The following TLK2 variants were observed in gnomAD, a reference collection of about 807,000 sequenced individuals.
TLK2 encodes the protein serine/threonine-protein kinase tousled-like 2.
In TLK2, 6 loss-of-function variants were observed where a neutral mutation model predicts 117.3. That is an observed-to-expected ratio of 0.05 (90% CI 0.03 to 0.10). TLK2 has a LOEUF of 0.10. Among genes scored for constraint, TLK2 ranks in the 10% least tolerant of loss-of-function variants. The probability of loss-of-function intolerance (pLI) is 1.00; values close to 1 mark genes in which losing one functional copy is unlikely to be tolerated. For missense variants in TLK2, 299 were observed against 901.2 expected, an observed-to-expected ratio of 0.33 and a Z score of 8.56; for synonymous variants, 257 against 316.7, an observed-to-expected ratio of 0.81 and a Z score of 2.00.
At chr17:62,482,851 C>T (rs1286819497) in intron 2 of TLK2, among the ~76,000 whole-genome samples, 1 of 152,232 alleles carries the variant, frequency 6.6e-6, no homozygotes, top group Non-Finnish European at 1.5e-5. Flanking sequence ...AGTACCTCCA[C>T]ATCTGCAGTA....
At chr17:62,533,164 G>A (rs555220913) in intron 6 of TLK2, among the ~76,000 whole-genome samples, 11 of 151,268 alleles carry the variant, frequency 7.3e-5, no homozygotes, top group African/African-American at 1.9e-4. Context: ...TATTTATTAA[G>A]ATTTAATAAA....
chr17:62,536,157 T>C lies in TLK2; in HGVS notation c.364-13T>C. Reference sequence around the variant, plus strand: ...TTCTCATGTCATTTGTGTGTTTCTTTACTGTTTTCCAGCGACGAGTAGAAC... The same window carrying C: ...TTCTCATGTCATTTGTGTGTTTCTTCACTGTTTTCCAGCGACGAGTAGAAC... On this transcript the variant is annotated splice_polypyrimidine_tract_variant and intron_variant, in intron 6 of 21. Transcript: ENST00000346027. 1 of 1,609,094 alleles carries C rather than the reference T, an allele frequency of 6.2e-7. No individual in the cohort carries two copies. Among genetic ancestry groups the C allele is most frequent in the South Asian group, 1.1e-5 (1 of 90,696 alleles).
intron 2 of TLK2, among the ~76,000 whole-genome samples, chr17:62,500,109 G>T (rs905769267): frequency 1.3e-5 from 2 of 151,570 alleles, no homozygotes; most frequent in Admixed American, 1.3e-4. Context: ...TCCCTATGTT[G>T]CCCAAGCTGG....
intron 13 of TLK2, among the ~76,000 whole-genome samples, chr17:62,577,486 C>T (rs1458151707): frequency 6.6e-6 from 1 of 152,076 alleles, no homozygotes; most frequent in Non-Finnish European, 1.5e-5. Flanking sequence ...CCTAAACTAG[C>T]TAAAAAGAGA....
At chr17:62,572,131 C>T (rs1402918474) in intron 11 of TLK2, among the ~76,000 whole-genome samples, 4 of 149,294 alleles carry the variant, frequency 2.7e-5, no homozygotes, top group South Asian at 2.1e-4. Context: ...GAGCTGAGAT[C>T]GTGCCACTGC....
At chr17:62,568,924 T>C (rs1242606242) in intron 11 of TLK2, among the ~76,000 whole-genome samples, 6 of 152,226 alleles carry the variant, frequency 3.9e-5, no homozygotes, top group Non-Finnish European at 1.5e-5. Flanking sequence ...GTTGATTTTA[T>C]AAACATTAGA....
intron 2 of TLK2, among the ~76,000 whole-genome samples, chr17:62,487,518 C>CA (rs545506997): frequency 0.017 from 923 of 55,912 alleles, 32 homozygotes; most frequent in African/African-American, 0.044. Context: ...GCCTCCGTCT[C>CA]AAAAAAAAAA....
chr17:62,586,293 C>A, intron 16 of TLK2, 67 bp downstream of exon 16: 3 of 1,146,376 alleles, frequency 2.6e-6, no homozygotes, highest in Non-Finnish European at 3.9e-6. Context: ...CATTATGCTA[C>A]AAGCTTTACG....
At chr17:62,549,419 A>AAAAAAAGT (rs2078236852) in intron 7 of TLK2, among the ~76,000 whole-genome samples, 99 of 7,746 alleles carry the variant, frequency 0.013, 8 homozygotes, top group African/African-American at 0.019. Context: ...AAAAAAAAAA[A>AAAAAAAGT]AAAAAAAAAA....
upstream of TLK2, among the ~76,000 whole-genome samples, chr17:62,478,811 T>G (rs1449228045): frequency 1.4e-5 from 2 of 143,064 alleles, no homozygotes; most frequent in Non-Finnish European, 3.1e-5. Flanking sequence ...TTCACTAGTG[T>G]GTTTACACCG....
At chr17:62,494,985 G>T (rs537689004) in intron 2 of TLK2, among the ~76,000 whole-genome samples, 1 of 152,064 alleles carries the variant, frequency 6.6e-6, no homozygotes, top group East Asian at 1.9e-4. Flanking sequence ...GGCCAACATG[G>T]TGAAACCCCG....
intron 4 of TLK2, 39 bp downstream of exon 4, chr17:62,522,312 A>C: frequency 6.3e-7 from 1 of 1,585,090 alleles, no homozygotes; most frequent in Non-Finnish European, 8.6e-7. Context: ...ACTCAATTCT[A>C]ATGTACTTAG....
Position 62,520,799 on chromosome 17 carries a change from C to T in TLK2, c.108C>T (p.Asn36=). ...GACCACTTAATAGTGAGTCTTCCAA[C>T]CAGAGCTTGTGCAGCGTCGGATCCT... ...SKGPLNSESS[N]QSLCSVGSLS... The change falls in exon 3 of 22, where the codon AAC becomes AAT. Residue 36 remains asparagine, a synonymous_variant. Transcript: ENST00000346027. 1.9e-6 allele frequency: 3 copies of T among 1,612,484 alleles called. No homozygotes were observed. The South Asian group carries it at 3.3e-5, about 18-fold the overall frequency.
At chr17:62,589,863 G>A (rs2081941632) in intron 16 of TLK2, among the ~76,000 whole-genome samples, 1 of 151,728 alleles carries the variant, frequency 6.6e-6, no homozygotes, top group Admixed American at 6.6e-5. Context: ...CTGGAGTGCA[G>A]TGGCGCGATC....
At chr17:62,553,425 T>C (rs907316707) in intron 8 of TLK2, 4 of 460,462 alleles carry the variant, frequency 8.7e-6, no homozygotes, top group African/African-American at 6.0e-5. Context: ...ATTCATACAT[T>C]TGATTCCAGA....
intron 6 of TLK2, among the ~76,000 whole-genome samples, chr17:62,529,574 A>G (rs2145709132): frequency 6.6e-6 from 1 of 152,350 alleles, no homozygotes; most frequent in East Asian, 1.9e-4. Flanking sequence ...GATATTTAAT[A>G]TATCCAAATC....
intron 17 of TLK2, 122 bp from the exon 18 acceptor site, chr17:62,600,529 A>T: frequency 1.3e-6 from 1 of 794,682 alleles, no homozygotes; most frequent in Non-Finnish European, 1.9e-6. Flanking sequence ...AGAGTATTTT[A>T]AGGAACAAAG....
At chr17:62,514,094 T>G (rs929451173) in intron 2 of TLK2, among the ~76,000 whole-genome samples, 22 of 152,286 alleles carry the variant, frequency 1.4e-4, no homozygotes, top group African/African-American at 5.1e-4. Flanking sequence ...TTAAAAAAAG[T>G]GCTACGTGTT....
intron 11 of TLK2, among the ~76,000 whole-genome samples, chr17:62,568,009 T>C (rs1395661327): frequency 6.6e-6 from 1 of 152,228 alleles, no homozygotes; most frequent in Non-Finnish European, 1.5e-5. Context: ...GAGAAAGTAA[T>C]GTTAAATACT....
Sources: gnomAD v4.1 joint callset for allele counts (sites outside exome capture counted in the v4.1 genomes callset) on GRCh38, gnomAD v4.1.1 for gene constraint, MANE v1.5 for transcripts, NCBI Gene and HGNC (gene_info 2026-07-23, HGNC 2026-07-21) for gene names.